The following NXPH2 variants were observed in gnomAD, a reference collection of about 807,000 sequenced individuals.
NXPH2 encodes neurexophilin 2.
In NXPH2, 5 loss-of-function variants were observed where a neutral mutation model predicts 19.8. The ratio of observed to expected loss-of-function variants is 0.25; its 90% confidence interval spans 0.13 to 0.53. The LOEUF is 0.53. Ranked by LOEUF, NXPH2 falls within the 20% of genes least tolerant of loss-of-function variation. The probability of loss-of-function intolerance (pLI) is 0.96; values close to 1 mark genes in which losing one functional copy is unlikely to be tolerated. For missense variants in NXPH2, 289 were observed against 322.8 expected, an observed-to-expected ratio of 0.90 and a Z score of 0.80; for synonymous variants, 154 against 127.4, an observed-to-expected ratio of 1.21 and a Z score of -1.41.
chr2:138,769,425 A>G (rs1401660650), intron 1 of NXPH2, among the ~76,000 whole-genome samples: 2 of 152,246 alleles, frequency 1.3e-5, no homozygotes, highest in African/African-American at 4.8e-5. Context: ...ATCCCAGTGA[A>G]AAGAACTAGA....
intron 1 of NXPH2, among the ~76,000 whole-genome samples, chr2:138,772,450 C>A (rs1319620623): frequency 6.6e-6 from 1 of 152,176 alleles, no homozygotes; most frequent in East Asian, 1.9e-4. Context: ...GCATGCGCCA[C>A]CACGCCTGGC....
intron 1 of NXPH2, among the ~76,000 whole-genome samples, chr2:138,724,580 T>C (rs1248330424): frequency 6.6e-6 from 1 of 152,224 alleles, no homozygotes; most frequent in Non-Finnish European, 1.5e-5. Context: ...ATTTTTCCCC[T>C]GGAACTATTT....
chr2:138,774,310 TTC>T (rs1179609571), intron 1 of NXPH2, among the ~76,000 whole-genome samples: 1 of 152,208 alleles, frequency 6.6e-6, no homozygotes, highest in Non-Finnish European at 1.5e-5. Flanking sequence ...TGCTCATCAA[TTC>T]TCTGTCTGGT....
At chr2:138,676,808 T>A (rs1680490689) in intron 1 of NXPH2, among the ~76,000 whole-genome samples, 1 of 152,200 alleles carries the variant, frequency 6.6e-6, no homozygotes, top group Non-Finnish European at 1.5e-5. Flanking sequence ...TTGAGCAACT[T>A]GTTCAGTGCC....
At chr2:138,745,903 C>T (rs1400186098) in intron 1 of NXPH2, among the ~76,000 whole-genome samples, 2 of 152,114 alleles carry the variant, frequency 1.3e-5, no homozygotes, top group Non-Finnish European at 2.9e-5. Context: ...CCCATAAATA[C>T]AAAATAATTA....
At chr2:138,691,969 G>T (rs777753702) in intron 1 of NXPH2, among the ~76,000 whole-genome samples, 13 of 152,114 alleles carry the variant, frequency 8.5e-5, no homozygotes, top group Non-Finnish European at 1.6e-4. Flanking sequence ...CAAATTTTAT[G>T]GTTAATAACA....
chr2:138,752,777 G>A (rs553866175), intron 1 of NXPH2, among the ~76,000 whole-genome samples: 10 of 152,078 alleles, frequency 6.6e-5, no homozygotes, highest in African/African-American at 2.4e-4. Context: ...TGTTTCCGAC[G>A]ACCTTAGCAG....
At chr2:138,710,869 T>C (rs1681094778) in intron 1 of NXPH2, among the ~76,000 whole-genome samples, 1 of 152,048 alleles carries the variant, frequency 6.6e-6, no homozygotes, top group African/African-American at 2.4e-5. Context: ...CCAAACACTT[T>C]ACCCAAGCTG....
At chr2:138,691,026 G>A (rs1444831117) in intron 1 of NXPH2, among the ~76,000 whole-genome samples, 1 of 152,174 alleles carries the variant, frequency 6.6e-6, no homozygotes, top group East Asian at 1.9e-4. Flanking sequence ...AGTGTTGTGG[G>A]CAGAGAGGCA....
intron 1 of NXPH2, among the ~76,000 whole-genome samples, chr2:138,779,201 A>G (rs904325723): frequency 6.6e-6 from 1 of 152,222 alleles, no homozygotes; most frequent in Admixed American, 6.5e-5. Flanking sequence ...CTATGGCATC[A>G]GGAGAAAGCC....
At chr2:138,722,720 AGAAGGTGG>A (rs1681300459) in intron 1 of NXPH2, among the ~76,000 whole-genome samples, 1 of 152,240 alleles carries the variant, frequency 6.6e-6, no homozygotes, top group South Asian at 2.1e-4. Flanking sequence ...GATAACGTTT[AGAAGGTGG>A]TGCTGATAGC....
rs188026216 is a variant in NXPH2 at position 138,730,181 on chromosome 2, C to T, written c.51+50010G>A. ...CATATGACTTTTTAACCTAAAGTTC[C>T]CCCACCCCACCCTTTTTTTTTTCTT... is the stretch of plus-strand genomic sequence containing the variant. On this transcript the variant is annotated intron_variant, in intron 1 of 1. Transcript: ENST00000272641. Among the ~76,000 whole-genome samples the T allele has an allele frequency of 2.8e-3, 409 of 147,482 alleles. 1 individual carries two copies. Among genetic ancestry groups the T allele is most frequent in the African/African-American group, 9.5e-3 (385 of 40,556 alleles).
At chr2:138,729,471 A>G (rs1271848182) in intron 1 of NXPH2, among the ~76,000 whole-genome samples, 1 of 152,124 alleles carries the variant, frequency 6.6e-6, no homozygotes, top group African/African-American at 2.4e-5. Flanking sequence ...TCCTTTATAA[A>G]TTACCCAGTC....
Position 138,672,460 on chromosome 2 carries a change from T to C in NXPH2, c.52-795A>G, listed in dbSNP as rs565697167. 4.4e-3 allele frequency among the ~76,000 whole-genome samples: 666 copies of C among 152,342 alleles called. 4 individuals are homozygous for C. Among genetic ancestry groups the C allele is most frequent in the Non-Finnish European group, 7.2e-3 (493 of 68,024 alleles). On this transcript the variant is annotated intron_variant, in intron 1 of 1. Coordinates refer to ENST00000272641, the MANE Select transcript of NXPH2 (RefSeq NM_007226.3). ...ATAGCCACCGAAACGTAAGACTTTA[T>C]TTGCATTTGATTTTTCTTTTTATTC...
intron 1 of NXPH2, among the ~76,000 whole-genome samples, chr2:138,700,388 A>G (rs1264373246): frequency 1.3e-5 from 2 of 152,152 alleles, no homozygotes; most frequent in African/African-American, 4.8e-5. Flanking sequence ...GAAAATTTCT[A>G]CTGTGCTGAA....
At position 138,671,295 on chromosome 2, in the gene NXPH2, G is replaced by T; in HGVS notation, c.422C>A (p.Thr141Asn). Residue 141 changes from threonine to asparagine, a missense_variant, in exon 2 of 2, where the codon ACC (threonine) becomes AAC (asparagine). Physicochemically the swap from Thr to Asn is moderately conservative, Grantham distance 65. Coordinates refer to ENST00000272641, the MANE Select transcript of NXPH2 (RefSeq NM_007226.3). Reference sequence around the variant, plus strand: ...ATTATGTCGGAAATACACACTGAAGGTTCCATTTCCATGGTCAACAATTTT... The same window carrying T: ...ATTATGTCGGAAATACACACTGAAGTTTCCATTTCCATGGTCAACAATTTT... The part of the protein sequence containing the change: ...TGKIVDHGNG[T>N]FSVYFRHNST... 6 of 1,613,808 alleles carry T rather than the reference G, an allele frequency of 3.7e-6. No individual in the cohort carries two copies. The highest frequency in any genetic ancestry group is 5.1e-6 in the Non-Finnish European group (6 of 1,179,806).
intron 1 of NXPH2, among the ~76,000 whole-genome samples, chr2:138,773,161 C>G (rs891562171): frequency 6.6e-6 from 1 of 152,190 alleles, no homozygotes; most frequent in Non-Finnish European, 1.5e-5. Flanking sequence ...TAAAACAGAA[C>G]AGTAAGTTAT....
intron 1 of NXPH2, among the ~76,000 whole-genome samples, chr2:138,717,003 T>G (rs914067267): frequency 1.3e-5 from 2 of 152,180 alleles, no homozygotes; most frequent in Admixed American, 6.5e-5. Context: ...ATGGATAAGA[T>G]TATTCACTAC....
chr2:138,695,735 T>A (rs1680820104), intron 1 of NXPH2, among the ~76,000 whole-genome samples: 1 of 151,814 alleles, frequency 6.6e-6, no homozygotes, highest in Non-Finnish European at 1.5e-5. Flanking sequence ...TTACATATTA[T>A]CAAGAAAAGA....
Sources: allele counts gnomAD v4.1 joint callset (sites outside exome capture counted in the v4.1 genomes callset), GRCh38; gene constraint gnomAD v4.1.1; transcripts MANE v1.5; gene names NCBI Gene and HGNC (gene_info 2026-07-23, HGNC 2026-07-21).